SORT1: variants seen among roughly 807,000 people sequenced by gnomAD.
The protein encoded by SORT1 is sortilin.
A neutral mutation model predicts 101.7 loss-of-function variants in SORT1; 39 were observed. The observed-to-expected ratio is 0.38, with a 90% CI of 0.30 to 0.50. The LOEUF is 0.50. Ranked by LOEUF, SORT1 falls within the 20% of genes least tolerant of loss-of-function variation. The pLI is 0.90. For missense variants in SORT1, 878 were observed against 1,040.4 expected (o/e 0.84, Z 2.15); for synonymous variants, 396 against 393.7 (o/e 1.01, Z -0.07).
intron 11 of SORT1, among the ~76,000 whole-genome samples, chr1:109,334,983 TAATGA>T (rs1232920370): frequency 1.3e-5 from 2 of 152,140 alleles, no homozygotes; most frequent in Non-Finnish European, 2.9e-5. Flanking sequence ...AGCAAACTAT[TAATGA>T]AATGAAGAGG....
intron 17 of SORT1, among the ~76,000 whole-genome samples, chr1:109,315,608 C>G (rs9651098): frequency 6.6e-6 from 1 of 152,100 alleles, no homozygotes; most frequent in Non-Finnish European, 1.5e-5. Context: ...TCTCCTATTA[C>G]GAATTGGGAA....
chr1:109,337,270 G>C (rs4970841), intron 10 of SORT1, among the ~76,000 whole-genome samples: 99,316 of 151,970 alleles, frequency 0.65, 34,110 homozygotes, highest in East Asian at 0.96. Flanking sequence ...TATTGAGATG[G>C]ATTTTCGCTC....
chr1:109,309,702 C>T lies in SORT1; in HGVS notation c.*4341G>A, dbSNP rs542750263. 8.5e-5 allele frequency: 13 copies of T among 152,200 alleles called. No individual in the cohort carries two copies. The highest frequency in any genetic ancestry group is 2.6e-4 in the Admixed American group (4 of 15,280). The allele number at this position is 152,200 out of a possible 1,614,324, so 9.4% of individuals were successfully genotyped here. On this transcript the variant is annotated 3_prime_UTR_variant, in exon 20 of 20. Coordinates refer to ENST00000256637, the MANE Select transcript of SORT1 (RefSeq NM_002959.7). The stretch of plus-strand genomic sequence containing the variant: ...TGCTAAAGAAATTTGAGTTTTATTT[C>T]CATTTTGTGGAATTTTATCATGGGG...
rs1018588246 is a variant in SORT1, at chr1:109,309,844, A to T, written c.*4199T>A. 6.6e-6 allele frequency: 1 copy of T among 152,534 alleles called. No individual in the cohort carries two copies. Among genetic ancestry groups the T allele is most frequent in the Non-Finnish European group, 1.5e-5 (1 of 68,044 alleles). 9.4% of individuals were successfully genotyped at this position (152,534 alleles called of 1,614,324 possible). On this transcript the variant is annotated 3_prime_UTR_variant, in exon 20 of 20. Transcript: ENST00000256637. ...GGTTTTTAGGGCACATGCAGTAATG[A>T]TCTTAATACTGCTTTACACTTTCGT...
At chr1:109,369,641 C>T (rs767259146) in intron 1 of SORT1, 52 bp from the exon 2 acceptor site, 174 of 1,148,792 alleles carry the variant, frequency 1.5e-4, no homozygotes, top group Non-Finnish European at 2.2e-4. Flanking sequence ...CTCCTTCAAT[C>T]TTTGGCTTCT....
intron 1 of SORT1, among the ~76,000 whole-genome samples, chr1:109,381,346 A>T (rs949667222): frequency 2.0e-5 from 3 of 152,212 alleles, no homozygotes; most frequent in Non-Finnish European, 4.4e-5. Flanking sequence ...ATAAATGAAG[A>T]ACTGGAGATT....
Position 109,342,040 on chromosome 1 carries a change from A to G in SORT1, c.1082T>C (p.Val361Ala). The change falls in exon 9 of 20, where the codon GTA (valine) becomes GCA (alanine). Residue 361 changes from valine to alanine, a missense_variant. This residue lies in a region of SORT1 where 684 missense variants were observed against 894.5 expected (regional missense o/e 0.76). Transcript: ENST00000256637. The part of the protein sequence containing the change: ...YSILAANDDM[V>A]FMHVDEPGDT... ...TCCAGGTTCATCTACATGCATGAAT[A>G]CCATGTCATCATTTGCTGCCAGAAT... is the stretch of plus-strand genomic sequence containing the variant. The G allele has an allele frequency of 6.2e-7, 1 of 1,613,812 alleles. No homozygotes were observed. The highest frequency in any genetic ancestry group is 8.5e-7 in the Non-Finnish European group (1 of 1,179,944).
At chr1:109,380,157 A>G (rs2101644878) in intron 1 of SORT1, among the ~76,000 whole-genome samples, 1 of 152,128 alleles carries the variant, frequency 6.6e-6, no homozygotes, top group African/African-American at 2.4e-5. Context: ...GTGTGGTGGC[A>G]TAGCATGAGT....
At chr1:109,347,590 T>G in intron 6 of SORT1, 58 bp from the exon 7 acceptor site, 1 of 1,238,150 alleles carries the variant, frequency 8.1e-7, no homozygotes, top group Non-Finnish European at 1.2e-6. Context: ...AGGACTGTGT[T>G]GACCTTACTC....
chr1:109,323,685 G>A (rs1037256567), intron 14 of SORT1, among the ~76,000 whole-genome samples: 12 of 152,164 alleles, frequency 7.9e-5, no homozygotes, highest in Non-Finnish European at 1.6e-4. Context: ...TTAGTATGTC[G>A]TATCATCTAC....
At position 109,345,137 on chromosome 1, in the gene SORT1, C is replaced by T. The variant is rs183353122; in HGVS notation, c.963+614G>A. The stretch of plus-strand genomic sequence containing the variant: ...ATAGTAGGCACTCAATTAATGTTAT[C>T]TAATTGTATTTTTATTCTTGGATAA... On this transcript the variant is annotated intron_variant, in intron 8 of 19. Coordinates refer to ENST00000256637, the MANE Select transcript of SORT1 (RefSeq NM_002959.7). Among the ~76,000 whole-genome samples the T allele has an allele frequency of 7.9e-4, 120 of 152,342 alleles. 1 individual carries two copies. Among genetic ancestry groups the T allele is most frequent in the Non-Finnish European group, 1.4e-3 (98 of 68,038 alleles).
intron 3 of SORT1, among the ~76,000 whole-genome samples, chr1:109,366,189 C>T (rs1453481844): frequency 1.3e-5 from 2 of 152,144 alleles, no homozygotes; most frequent in East Asian, 3.8e-4. Flanking sequence ...CCAAGTCATA[C>T]CTTTGAGAAG....
intron 3 of SORT1, among the ~76,000 whole-genome samples, chr1:109,363,056 T>C (rs1380006477): frequency 6.6e-6 from 1 of 152,206 alleles, no homozygotes; most frequent in African/African-American, 2.4e-5. Context: ...CTATGTAATA[T>C]ATTTTAATGC....
chr1:109,331,891 C>T (rs1361961344), intron 11 of SORT1, among the ~76,000 whole-genome samples: 1 of 148,734 alleles, frequency 6.7e-6, no homozygotes, highest in Non-Finnish European at 1.5e-5. Flanking sequence ...AACAAACTAT[C>T]CAAAAAAGAA....
intron 15 of SORT1, among the ~76,000 whole-genome samples, chr1:109,318,360 C>G (rs1647386936): frequency 6.6e-6 from 1 of 152,166 alleles, no homozygotes; most frequent in Non-Finnish European, 1.5e-5. Flanking sequence ...CCATGTTGGT[C>G]AGGCTGGTCT....
At chr1:109,380,568 A>T (rs757031587) in intron 1 of SORT1, among the ~76,000 whole-genome samples, 4 of 152,126 alleles carry the variant, frequency 2.6e-5, no homozygotes, top group Non-Finnish European at 5.9e-5. Flanking sequence ...AATCAGTAGG[A>T]AACAGGCCAA....
intron 1 of SORT1, among the ~76,000 whole-genome samples, chr1:109,386,883 G>C (rs1327928869): frequency 1.3e-5 from 2 of 152,170 alleles, no homozygotes; most frequent in Non-Finnish European, 2.9e-5. Flanking sequence ...AAAGAAAGGG[G>C]TGAAATATGC....
At chr1:109,340,648 G>A (rs1287759358) in intron 10 of SORT1, 76 bp downstream of exon 10, 5 of 1,455,282 alleles carry the variant, frequency 3.4e-6, no homozygotes, top group African/African-American at 1.4e-5. Flanking sequence ...ATTACTAGGG[G>A]ACAGGTTCCC....
chr1:109,321,611 CCA>C (rs1647631659), intron 15 of SORT1, among the ~76,000 whole-genome samples: 1 of 152,140 alleles, frequency 6.6e-6, no homozygotes, highest in South Asian at 2.1e-4. Flanking sequence ...GCAGGAGAAA[CCA>C]CACTGGGTCA....
Sources: allele counts gnomAD v4.1 joint callset (sites outside exome capture counted in the v4.1 genomes callset), GRCh38; gene constraint gnomAD v4.1.1; regional missense constraint gnomAD v4.1.1; transcripts MANE v1.5; gene names NCBI Gene and HGNC (gene_info 2026-07-23, HGNC 2026-07-21).